Variants in PIK3AP1 observed in about 807,000 individuals in gnomAD.
PIK3AP1 encodes the protein phosphoinositide 3-kinase adapter protein 1.
Under a neutral mutation model 88.1 loss-of-function variants are expected in PIK3AP1, and 21 were observed. The observed-to-expected ratio is 0.24, with a 90% confidence interval of 0.17 to 0.34. PIK3AP1 has a LOEUF of 0.34. Among genes scored for constraint, PIK3AP1 ranks in the 10% least tolerant of loss-of-function variants. The pLI is 1.00. For synonymous variants in PIK3AP1, 398 were observed against 400.0 expected, an observed-to-expected ratio of 1.00 and a Z score of 0.06; for missense variants, 828 against 1,035.7, an observed-to-expected ratio of 0.80 and a Z score of 2.75.
intron 2 of PIK3AP1, among the ~76,000 whole-genome samples, chr10:96,707,634 C>T (rs779009908): frequency 1.5e-4 from 23 of 152,098 alleles, no homozygotes; most frequent in Non-Finnish European, 2.2e-4. Context: ...TTACAGCGTA[C>T]AGTATGAGAT....
rs1843492686 is a variant in PIK3AP1, at chr10:96,648,643, C to G, written c.1185+16G>C. The G allele has an allele frequency of 3.8e-6, 6 of 1,584,354 alleles. No homozygotes were observed. The highest frequency in any genetic ancestry group is 5.1e-6 in the Non-Finnish European group (6 of 1,170,068). ...AGTGCATTTCCAATCCTGGGCCCCT[C>G]CTGCCTTGACCTTACCACATACTCG... On this transcript the variant is annotated intron_variant, in intron 7 of 16. Coordinates refer to ENST00000339364, the MANE Select transcript of PIK3AP1 (RefSeq NM_152309.3).
chr10:96,651,215 C>T (rs1843532223), intron 6 of PIK3AP1, 33 bp downstream of exon 6: 18 of 1,613,654 alleles, frequency 1.1e-5, no homozygotes, highest in Non-Finnish European at 1.4e-5. Flanking sequence ...AATCAGCCCA[C>T]GTTGGTTTCC....
intron 1 of PIK3AP1, among the ~76,000 whole-genome samples, chr10:96,713,074 C>A (rs1000651906): frequency 2.6e-5 from 4 of 152,270 alleles, no homozygotes; most frequent in African/African-American, 9.6e-5. Context: ...CTTAAGAGGG[C>A]AGCTTGGGGC....
intron 2 of PIK3AP1, among the ~76,000 whole-genome samples, chr10:96,658,322 G>C (rs1477650628): frequency 1.3e-5 from 2 of 152,236 alleles, no homozygotes; most frequent in African/African-American, 4.8e-5. Context: ...ATTGGCCTCT[G>C]CAGAGTTTGT....
chr10:96,692,868 A>G (rs1297232229), intron 2 of PIK3AP1, among the ~76,000 whole-genome samples: 1 of 152,198 alleles, frequency 6.6e-6, no homozygotes, highest in Non-Finnish European at 1.5e-5. Flanking sequence ...TCAAGAATTT[A>G]TTTTTGTATT....
At chr10:96,700,697 C>A in intron 2 of PIK3AP1, 1 of 575,946 alleles carries the variant, frequency 1.7e-6, no homozygotes, top group East Asian at 1.4e-4. Context: ...GCACAAGGCA[C>A]CAGGACAGCA....
intron 11 of PIK3AP1, 120 bp from the exon 12 acceptor site, chr10:96,620,677 A>C: frequency 2.5e-6 from 2 of 799,262 alleles, no homozygotes; most frequent in Non-Finnish European, 2.0e-6. Flanking sequence ...GAACAATTAC[A>C]TGTGGCCAAG....
chr10:96,716,229 C>T (rs1844500777), intron 1 of PIK3AP1, among the ~76,000 whole-genome samples: 1 of 152,170 alleles, frequency 6.6e-6, no homozygotes. Flanking sequence ...TTGCAGTGAG[C>T]CCAGGTCGTA....
chr10:96,708,467 C>T (rs1456968326), intron 2 of PIK3AP1, among the ~76,000 whole-genome samples: 2 of 145,980 alleles, frequency 1.4e-5, no homozygotes, highest in Non-Finnish European at 3.0e-5. Context: ...CCCAGCTACT[C>T]GGGAGGCTGA....
In PIK3AP1 at chr10:96,720,358, G is replaced by A; in HGVS notation, c.13+24C>T. On this transcript the variant is annotated intron_variant, in intron 1 of 16. Transcript: ENST00000339364. This position sits in a 1 kb window ranked among gnomAD's most constrained non-coding sequence, Gnocchi z 4.6. ...ACGAGAGAGGGGCCGGGAGCCCGGG[G>A]ACCCGCGGCGCCTGCCTACCCACCT... The A allele has an allele frequency of 8.1e-7, 1 of 1,242,180 alleles. No individual in the cohort carries two copies. The highest frequency in any genetic ancestry group is 3.2e-5 in the East Asian group (1 of 31,672). The allele number at this position is 1,242,180 out of a possible 1,614,324, so 76.9% of individuals were successfully genotyped here.
intron 8 of PIK3AP1, among the ~76,000 whole-genome samples, chr10:96,630,867 G>A (rs936020808): frequency 6.6e-6 from 1 of 152,004 alleles, no homozygotes; most frequent in Non-Finnish European, 1.5e-5. Flanking sequence ...AGATGGGAAG[G>A]AACACATATT....
intron 2 of PIK3AP1, among the ~76,000 whole-genome samples, chr10:96,694,018 C>G (rs1240789968): frequency 6.6e-6 from 1 of 152,144 alleles, no homozygotes; most frequent in Admixed American, 6.6e-5. Flanking sequence ...GCCATAATTA[C>G]AAGCTGGGCC....
At chr10:96,701,772 A>G (rs1297523173) in intron 2 of PIK3AP1, among the ~76,000 whole-genome samples, 4 of 152,240 alleles carry the variant, frequency 2.6e-5, no homozygotes, top group Non-Finnish European at 5.9e-5. Flanking sequence ...AGTATGATCC[A>G]GAGGAAATTA....
intron 1 of PIK3AP1, among the ~76,000 whole-genome samples, chr10:96,718,591 A>G (rs887161700): frequency 1.3e-5 from 2 of 152,202 alleles, no homozygotes; most frequent in Non-Finnish European, 2.9e-5. Flanking sequence ...CAGAGCCCAT[A>G]AATAGCCCCA....
intron 3 of PIK3AP1, among the ~76,000 whole-genome samples, chr10:96,656,545 A>G (rs1843617200): frequency 6.6e-6 from 1 of 152,136 alleles, no homozygotes; most frequent in South Asian, 2.1e-4. Flanking sequence ...TAGGTGCTCT[A>G]CGTTATTACT....
intron 13 of PIK3AP1, among the ~76,000 whole-genome samples, chr10:96,610,970 T>C (rs907262754): frequency 2.6e-5 from 4 of 152,164 alleles, no homozygotes; most frequent in Non-Finnish European, 4.4e-5. Context: ...TTTTATCTTC[T>C]GGTACCACTT....
chr10:96,604,036 G>A lies in PIK3AP1; in HGVS notation c.2184C>T (p.Asn728=). 1 of 1,603,690 alleles carries A rather than the reference G, an allele frequency of 6.2e-7. No homozygotes were observed. The highest frequency in any genetic ancestry group is 1.3e-5 in the African/African-American group (1 of 74,796). Residue 728 remains asparagine (N), a synonymous_variant, in exon 15 of 17, where the codon AAC becomes AAT. Transcript: ENST00000339364. ...STSSTASSTS[N]RSSTRSLLSV... ...TGAGGAGGCTCCGGGTGCTGGAGCGGTTACTTGTGCTACCTAAAGGGTAGA... is the reference window on the plus strand; with the variant it reads ...TGAGGAGGCTCCGGGTGCTGGAGCGATTACTTGTGCTACCTAAAGGGTAGA...
intron 2 of PIK3AP1, among the ~76,000 whole-genome samples, chr10:96,704,268 C>T (rs1844335138): frequency 1.3e-5 from 2 of 152,254 alleles, no homozygotes; most frequent in South Asian, 4.1e-4. Context: ...GTGATGGTGC[C>T]TCCATTTCCG....
At chr10:96,684,569 T>C (rs574641032) in intron 2 of PIK3AP1, among the ~76,000 whole-genome samples, 1 of 152,354 alleles carries the variant, frequency 6.6e-6, no homozygotes, top group South Asian at 2.1e-4. Flanking sequence ...GGCAGACCTA[T>C]GCCACTGAGT....
Sources: gnomAD v4.1 joint callset for allele counts (sites outside exome capture counted in the v4.1 genomes callset) on GRCh38, gnomAD v4.1.1 for gene constraint, Gnocchi (gnomAD v3.1) non-coding constraint, MANE v1.5 for transcripts, NCBI Gene and HGNC (gene_info 2026-07-23, HGNC 2026-07-21) for gene names.